ASIC2: variants seen among roughly 807,000 people sequenced by gnomAD.
ASIC2 encodes acid sensing ion channel subunit 2.
Under a neutral mutation model 57.3 loss-of-function variants are expected in ASIC2, and 25 were observed. The observed-to-expected ratio is 0.44, with a 90% CI of 0.32 to 0.61. The LOEUF (loss-of-function observed/expected upper bound fraction) is 0.61. Ranked by LOEUF, ASIC2 falls within the 20% of genes least tolerant of loss-of-function variation. ASIC2 has a pLI of 0.06. For missense variants in ASIC2, 641 were observed against 738.1 expected, an observed-to-expected ratio of 0.87 and a Z score of 1.52; for synonymous variants, 319 against 307.5, an observed-to-expected ratio of 1.04 and a Z score of -0.39.
chr17:33,749,737 C>G (rs547706884), intron 1 of ASIC2, among the ~76,000 whole-genome samples: 2 of 152,258 alleles, frequency 1.3e-5, no homozygotes, highest in East Asian at 3.9e-4. Context: ...CCCACTTCAC[C>G]GTCAGCCCTG....
At chr17:33,781,908 C>G (rs929495883) in intron 1 of ASIC2, among the ~76,000 whole-genome samples, 21 of 152,082 alleles carry the variant, frequency 1.4e-4, no homozygotes, top group Admixed American at 1.1e-3. Context: ...TGAGTGCCTC[C>G]CATTTCTTCT....
Position 33,014,038 on chromosome 17 carries a change from G to A in ASIC2, c.1619C>T (p.Ser540Phe). The change falls in exon 10 of 10, where the codon TCT (serine) becomes TTT (phenylalanine). Residue 540 changes from serine to phenylalanine, a missense_variant. Ser to Phe is a radical substitution (Grantham distance 155). Coordinates refer to ENST00000225823, the MANE Select transcript of ASIC2 (RefSeq NM_183377.2). ...VSTCDTMPNHSETISHTVNVP... is the reference protein window; with the variant it reads ...VSTCDTMPNHFETISHTVNVP... ...GTTCACAGTGTGACTGATGGTTTCA[G>A]AGTGGTTTGGCATTGTGTCACAAGT... 1 of 1,603,650 alleles carries A rather than the reference G, an allele frequency of 6.2e-7. No individual in the cohort carries two copies. Among genetic ancestry groups the A allele is most frequent in the Non-Finnish European group, 8.5e-7 (1 of 1,174,798 alleles).
chr17:33,966,038 G>T (rs1203267643), intron 1 of ASIC2, among the ~76,000 whole-genome samples: 1 of 152,230 alleles, frequency 6.6e-6, no homozygotes, highest in African/African-American at 2.4e-5. Context: ...GCATAGAGAA[G>T]AAGAACCCAA....
intron 1 of ASIC2, among the ~76,000 whole-genome samples, chr17:33,720,298 T>C (rs1040864086): frequency 8.5e-5 from 13 of 152,238 alleles, no homozygotes; most frequent in Non-Finnish European, 1.9e-4. Flanking sequence ...GCAGGAGGCT[T>C]TGAGTTTTCT....
intron 1 of ASIC2, among the ~76,000 whole-genome samples, chr17:33,555,150 C>T (rs1439968954): frequency 6.6e-6 from 1 of 152,132 alleles, no homozygotes; most frequent in African/African-American, 2.4e-5. Context: ...GTTATGGGCA[C>T]GCGGGTAACA....
intron 1 of ASIC2, among the ~76,000 whole-genome samples, chr17:33,714,219 C>T (rs1475267420): frequency 6.6e-6 from 1 of 152,172 alleles, no homozygotes; most frequent in Admixed American, 6.5e-5. Flanking sequence ...AGCAATTTCA[C>T]CCGTACATAT....
chr17:33,061,946 C>T (rs1195239839), intron 3 of ASIC2, among the ~76,000 whole-genome samples: 4 of 152,106 alleles, frequency 2.6e-5, no homozygotes, highest in Admixed American at 6.6e-5. Flanking sequence ...AGTTTATTTG[C>T]GTAGAGGTGT....
chr17:33,425,780 A>G (rs1046929855), intron 1 of ASIC2, among the ~76,000 whole-genome samples: 2 of 152,104 alleles, frequency 1.3e-5, no homozygotes, highest in African/African-American at 4.8e-5. Flanking sequence ...TCTGGCTGTG[A>G]AGTCCTCCAT....
intron 1 of ASIC2, among the ~76,000 whole-genome samples, chr17:33,888,204 C>G (rs191740423): frequency 1.3e-5 from 2 of 152,214 alleles, no homozygotes; most frequent in African/African-American, 4.8e-5. Context: ...AGTACAGAGA[C>G]AGACCACCTA....
chr17:33,380,072 C>A (rs1752058665), intron 1 of ASIC2, among the ~76,000 whole-genome samples: 1 of 151,270 alleles, frequency 6.6e-6, no homozygotes, highest in Non-Finnish European at 1.5e-5. Flanking sequence ...ATAGTGAAAC[C>A]CCATCTCTAG....
At chr17:33,346,906 A>G (rs1208453371) in intron 1 of ASIC2, among the ~76,000 whole-genome samples, 2 of 152,216 alleles carry the variant, frequency 1.3e-5, no homozygotes, top group Non-Finnish European at 2.9e-5. Flanking sequence ...AAAGTGTTCC[A>G]GGAAAGAGCA....
chr17:33,140,472 T>C (rs925444066), intron 1 of ASIC2, among the ~76,000 whole-genome samples: 1 of 152,192 alleles, frequency 6.6e-6, no homozygotes, highest in Non-Finnish European at 1.5e-5. Context: ...TCTTCATTGT[T>C]CTCCTTTCTA....
chr17:33,026,074 C>T (rs1481801495), intron 4 of ASIC2, 92 bp from the exon 5 acceptor site: 3 of 1,435,678 alleles, frequency 2.1e-6, no homozygotes, highest in South Asian at 1.3e-5. Context: ...AAAGGGGTGC[C>T]TCCTGGCAGT....
At chr17:33,049,289 T>C (rs2091966525) in intron 3 of ASIC2, among the ~76,000 whole-genome samples, 1 of 152,184 alleles carries the variant, frequency 6.6e-6, no homozygotes, top group Admixed American at 6.5e-5. Flanking sequence ...GTGCCAAAGG[T>C]AGACAGTTTG....
intron 1 of ASIC2, among the ~76,000 whole-genome samples, chr17:34,119,845 T>C (rs916432682): frequency 7.2e-5 from 11 of 152,130 alleles, no homozygotes; most frequent in Admixed American, 3.3e-4. Flanking sequence ...TGTTTTGAAG[T>C]CCCCCATGGT....
At chr17:34,010,973 C>T (rs527289911) in intron 1 of ASIC2, among the ~76,000 whole-genome samples, 145 of 3,876 alleles carry the variant, frequency 0.037, no homozygotes, top group Middle Eastern at 0.22. Flanking sequence ...CACATGCACA[C>T]GCACACACAC....
At chr17:33,338,325 T>A (rs1255239712) in intron 1 of ASIC2, among the ~76,000 whole-genome samples, 3 of 151,728 alleles carry the variant, frequency 2.0e-5, no homozygotes, top group Middle Eastern at 6.8e-3. Context: ...CATTGGCCTC[T>A]CATGGAGTAT....
chr17:33,217,055 A>G (rs548990197), intron 1 of ASIC2, among the ~76,000 whole-genome samples: 82 of 152,310 alleles, frequency 5.4e-4, no homozygotes, highest in Non-Finnish European at 6.9e-4. Context: ...AATATTTGTC[A>G]TTGCTAATTT....
At chr17:33,822,251 A>G (rs1450540593) in intron 1 of ASIC2, among the ~76,000 whole-genome samples, 1 of 152,146 alleles carries the variant, frequency 6.6e-6, no homozygotes, top group Non-Finnish European at 1.5e-5. Flanking sequence ...CCTCTCATGT[A>G]GGTACAAACA....
Sources: gnomAD v4.1 joint callset for allele counts (sites outside exome capture counted in the v4.1 genomes callset) on GRCh38, gnomAD v4.1.1 for gene constraint, MANE v1.5 for transcripts, NCBI Gene and HGNC (gene_info 2026-07-23, HGNC 2026-07-21) for gene names.